CAPN8: variants seen among roughly 807,000 people sequenced by gnomAD.
CAPN8 encodes calpain-8.
In CAPN8, 87 loss-of-function variants were observed where a neutral mutation model predicts 80.9. The observed-to-expected ratio is 1.07, with a 90% confidence interval of 0.90 to 1.28. CAPN8 has a LOEUF of 1.28. Among genes scored for constraint, CAPN8 ranks in the 50% most tolerant of loss-of-function variants. The probability of loss-of-function intolerance (pLI) is 0.00; values close to 1 mark genes in which losing one functional copy is unlikely to be tolerated. For synonymous variants in CAPN8, 299 were observed against 273.8 expected, an observed-to-expected ratio of 1.09 and a Z score of -0.91; for missense variants, 757 against 702.0, an observed-to-expected ratio of 1.08 and a Z score of -0.89.
chr1:223,553,482 T>C (rs1477113310), intron 14 of CAPN8, among the ~76,000 whole-genome samples: 1 of 152,178 alleles, frequency 6.6e-6, no homozygotes, highest in Non-Finnish European at 1.5e-5. Flanking sequence ...GAAGGATATC[T>C]ATTTGGAGAG....
chr1:223,553,462 T>A (rs959705373), intron 14 of CAPN8, among the ~76,000 whole-genome samples: 28,999 of 152,066 alleles, frequency 0.19, 3,010 homozygotes, highest in African/African-American at 0.28. Context: ...GGCTGGGCAA[T>A]CCTCACTCTG....
At chr1:223,663,559 C>T (rs1056881889) in intron 1 of CAPN8, among the ~76,000 whole-genome samples, 1 of 152,192 alleles carries the variant, frequency 6.6e-6, no homozygotes, top group African/African-American at 2.4e-5. Flanking sequence ...TCAGCTTCTC[C>T]CTGACCACCT....
intron 2 of CAPN8, among the ~76,000 whole-genome samples, chr1:223,637,050 G>C (rs11584292): frequency 0.35 from 53,235 of 151,990 alleles, 9,803 homozygotes; most frequent in Middle Eastern, 0.47. Context: ...TCATCTCCCC[G>C]ACCTTCTGAC....
Position 223,544,160 on chromosome 1 carries a change from G to A in CAPN8, c.1936C>T (p.Gln646Ter). 1 of 718,176 alleles carries A rather than the reference G, an allele frequency of 1.4e-6. No homozygotes were observed. The highest frequency in any genetic ancestry group is 2.6e-6 in the Non-Finnish European group (1 of 385,100). The allele number at this position is 718,176 out of a possible 1,614,324, so 44.5% of individuals were successfully genotyped here. A position where few individuals can be genotyped will look rare whatever the true frequency, so the allele number is the denominator to read the frequency against. The change falls in exon 19 of 21, where the codon CAG (glutamine) becomes TAG (stop). Residue 646 changes from glutamine (Q) to a stop codon, truncating the protein, a stop_gained. Coordinates refer to ENST00000366872, the MANE Select transcript of CAPN8 (RefSeq NM_001143962.2). LOFTEE classifies it high-confidence loss of function. ...KAGFTLNSQV[Q>*]QTIALRYACS... is the part of the protein sequence containing the mutation. ...GCATACCGCAGGGCAATGGTCTGCT[G>A]CACCTGGCTGTTGAGGGTGAAACCT...
intron 6 of CAPN8, among the ~76,000 whole-genome samples, chr1:223,624,813 G>C (rs1033106748): frequency 6.6e-6 from 1 of 151,146 alleles, no homozygotes; most frequent in East Asian, 2.0e-4. Flanking sequence ...ATAATGAATA[G>C]GCCGGGTGCG....
chr1:223,550,986 A>G lies in CAPN8; in HGVS notation c.1673T>C (p.Ile558Thr). Residue 558 changes from isoleucine to threonine, a missense_variant, in exon 15 of 21, where the codon ATA (isoleucine) becomes ACA (threonine). By Grantham distance (89) the Ile-to-Thr change is moderately conservative. Transcript: ENST00000366872. ...CTTGGAAAACGCCTCATTCAAAAGT[A>G]TCTTGAGTGCATTGGCAGTAATCTC... ...DSEITANALK[I>T]LLNEAFSKRT... The G allele has an allele frequency of 1.4e-6, 1 of 718,456 alleles. No homozygotes were observed. 44.5% of individuals were successfully genotyped at this position (718,456 alleles called of 1,614,324 possible). A position where few individuals can be genotyped will look rare whatever the true frequency, so the allele number is the denominator to read the frequency against.
At chr1:223,659,575 C>A (rs1276942869) in intron 1 of CAPN8, among the ~76,000 whole-genome samples, 3 of 152,214 alleles carry the variant, frequency 2.0e-5, no homozygotes, top group Non-Finnish European at 4.4e-5. Flanking sequence ...CACCAACAAT[C>A]CCAACTCAAA....
rs1479284766 is a variant in CAPN8, at chr1:223,541,710, A to G, written c.*126T>C. 4.4e-5 allele frequency: 64 copies of G among 1,462,644 alleles called. 1 individual carries two copies. In the East Asian group the frequency reaches 1.4e-3, roughly 33 times the overall value. 90.6% of individuals were successfully genotyped at this position (1,462,644 alleles called of 1,614,324 possible). A position where few individuals can be genotyped will look rare whatever the true frequency, so the allele number is the denominator to read the frequency against. ...AGCTCAGTGCTGCTGAAATAGACCC[A>G]GGGCAAGAAAGGTATGAACAACCAG... On this transcript the variant is annotated 3_prime_UTR_variant, in exon 21 of 21. Transcript: ENST00000366872.
chr1:223,648,108 G>T (rs1025530877), intron 2 of CAPN8, among the ~76,000 whole-genome samples: 1 of 152,220 alleles, frequency 6.6e-6, no homozygotes, highest in African/African-American at 2.4e-5. Context: ...AAAGTGGAAG[G>T]GGTTGTCCTG....
chr1:223,612,376 C>T (rs1657051534), intron 10 of CAPN8, 119 bp from the exon 11 acceptor site: 1 of 873,682 alleles, frequency 1.1e-6, no homozygotes, highest in East Asian at 3.4e-5. Context: ...ACTGAGGAGA[C>T]ATTTGTGCTA....
At chr1:223,648,301 G>C (rs1239951119) in intron 2 of CAPN8, among the ~76,000 whole-genome samples, 1 of 152,202 alleles carries the variant, frequency 6.6e-6, no homozygotes, top group African/African-American at 2.4e-5. Context: ...GCCACATGGA[G>C]CTGTCATCTG....
chr1:223,547,598 T>C (rs529060988), intron 16 of CAPN8, among the ~76,000 whole-genome samples: 1 of 152,204 alleles, frequency 6.6e-6, no homozygotes, highest in Non-Finnish European at 1.5e-5. Context: ...TTTAAATGAG[T>C]ACGCTGTATG....
chr1:223,624,471 G>A (rs1022320415), intron 6 of CAPN8, among the ~76,000 whole-genome samples: 20 of 152,232 alleles, frequency 1.3e-4, no homozygotes, highest in African/African-American at 4.1e-4. Flanking sequence ...TTGGGAGGCC[G>A]AGGCAGGAGG....
intron 5 of CAPN8, among the ~76,000 whole-genome samples, chr1:223,626,485 G>A (rs1467041582): frequency 6.6e-6 from 1 of 152,172 alleles, no homozygotes; most frequent in Non-Finnish European, 1.5e-5. Flanking sequence ...CAGGACCTCA[G>A]GGCTGGGGGC....
At chr1:223,620,369 AC>A (rs1657348359) in intron 7 of CAPN8, 103 bp from the exon 8 acceptor site, 4 of 969,458 alleles carry the variant, frequency 4.1e-6, no homozygotes, top group Non-Finnish European at 1.6e-6. Context: ...GAAACAAAAT[AC>A]CAAAAGCACT....
At chr1:223,610,820 G>A (rs1432832198) in intron 11 of CAPN8, among the ~76,000 whole-genome samples, 2 of 152,136 alleles carry the variant, frequency 1.3e-5, no homozygotes, top group Non-Finnish European at 2.9e-5. Context: ...AGGTTGGGCA[G>A]GTTTAACTAA....
intron 1 of CAPN8, among the ~76,000 whole-genome samples, chr1:223,664,205 G>T (rs72747982): frequency 0.035 from 5,353 of 152,204 alleles, 115 homozygotes; most frequent in Non-Finnish European, 0.052. Context: ...ACCGCATCCA[G>T]GAGCCTCTGC....
chr1:223,547,100 G>T (rs573525893), intron 16 of CAPN8, among the ~76,000 whole-genome samples: 13 of 152,140 alleles, frequency 8.5e-5, no homozygotes, highest in Non-Finnish European at 1.8e-4. Context: ...TTTTAGTAGA[G>T]ACAGGATTTC....
At chr1:223,654,517 T>C in intron 1 of CAPN8, 118 bp from the exon 2 acceptor site, 4 of 844,336 alleles carry the variant, frequency 4.7e-6, no homozygotes, top group Non-Finnish European at 7.7e-6. Flanking sequence ...GATTGTCTAC[T>C]GCCCATCACA....
Sources: allele counts gnomAD v4.1 joint callset (sites outside exome capture counted in the v4.1 genomes callset), GRCh38; gene constraint gnomAD v4.1.1; transcripts MANE v1.5; gene names NCBI Gene and HGNC (gene_info 2026-07-23, HGNC 2026-07-21).